SGSH: variants seen among roughly 807,000 people sequenced by gnomAD.
SGSH encodes the protein N-sulfoglucosamine sulfohydrolase.
Under a neutral mutation model 51.0 loss-of-function variants are expected in SGSH, and 48 were observed. The observed-to-expected ratio is 0.94, with a 90% CI of 0.75 to 1.20. SGSH has a LOEUF of 1.20. Among genes scored for constraint, SGSH ranks in the 50% most tolerant of loss-of-function variants. SGSH has a pLI of 0.00. For missense variants in SGSH, 662 were observed against 717.8 expected (o/e 0.92, Z 0.89); for synonymous variants, 321 against 313.4 (o/e 1.02, Z -0.26).
chr17:80,205,285 T>TTCCTCCC, downstream of SGSH: 1 of 993,216 alleles, frequency 1.0e-6, no homozygotes. Context: ...CTTCCTCCCC[T>TTCCTCCC]TCCTCCCTCC....
In SGSH at chr17:80,210,860, G is replaced by A. The variant is rs1335098940; in HGVS notation, c.1101C>T (p.His367=). The A allele has an allele frequency of 1.9e-6, 3 of 1,613,590 alleles. No homozygotes were observed. The highest frequency in any genetic ancestry group is 2.2e-5 in the South Asian group (2 of 91,086). ...TGGGGTAGGACATGGTGACCTCGTG[G>A]TGGCTCTGGCTGCCAAAGACGGTGG... ...LWATVFGSQS[H]HEVTMSYPMR... Residue 367 remains histidine, a synonymous_variant, in exon 8 of 8, where the codon CAC becomes CAT. Coordinates refer to ENST00000326317, the MANE Select transcript of SGSH (RefSeq NM_000199.5).
At chr17:80,218,739 T>G (rs1242278061) in intron 1 of SGSH, among the ~76,000 whole-genome samples, 1 of 152,180 alleles carries the variant, frequency 6.6e-6, no homozygotes, top group Non-Finnish European at 1.5e-5. Context: ...CTGAACTGTG[T>G]CCTCCCAGAA....
At chr17:80,207,368 T>G (rs1245562903), downstream of SGSH, among the ~76,000 whole-genome samples, 1 of 152,118 alleles carries the variant, frequency 6.6e-6, no homozygotes, top group Non-Finnish European at 1.5e-5. Flanking sequence ...CTGGCCAACA[T>G]GGAGAAACCC....
chr17:80,207,164 G>T, downstream of SGSH: 1 of 1,007,844 alleles, frequency 9.9e-7, no homozygotes, highest in Non-Finnish European at 1.5e-6. Context: ...GGTGCCTCTG[G>T]AGTGTGCTCT....
chr17:80,215,628 G>A (rs975926511), intron 2 of SGSH, among the ~76,000 whole-genome samples: 1 of 151,944 alleles, frequency 6.6e-6, no homozygotes, highest in Non-Finnish European at 1.5e-5. Context: ...AGACCAGCCT[G>A]GCCAACATGG....
rs776228545 is a variant in SGSH, at chr17:80,214,293, T to C, written c.542A>G (p.His181Arg). ...CTGGGGCTGGGAGTGCCCACAGCGG[T>C]GGGGGTCGTGGAAGGCGACGTAGAG... ...FFLYVAFHDP[H>R]RCGHSQPQYG... The change falls in exon 5 of 8, where the codon CAC becomes CGC. Residue 181 changes from histidine (H) to arginine (R), a missense_variant. Transcript: ENST00000326317. 1.9e-6 allele frequency: 3 copies of C among 1,612,904 alleles called. No homozygotes were observed. Among genetic ancestry groups the C allele is most frequent in the Non-Finnish European group, 2.5e-6 (3 of 1,179,956 alleles).
chr17:80,202,659 G>A (rs2041048290), downstream of SGSH: 2 of 1,351,010 alleles, frequency 1.5e-6, no homozygotes, highest in South Asian at 3.2e-5. Flanking sequence ...TCTTAGCTCT[G>A]GGTTTCTTAG....
downstream of SGSH, chr17:80,208,118 C>A (rs545159633): frequency 7.7e-5 from 115 of 1,502,162 alleles, 1 homozygote; most frequent in East Asian, 1.5e-3. Context: ...GCCCGCCCCC[C>A]CCAACTCTGG....
rs769651235 is a variant in SGSH, at chr17:80,210,931, T to A, written c.1030A>T (p.Thr344Ser). The change falls in exon 8 of 8, where the codon ACT becomes TCT. Residue 344 changes from threonine (T) to serine (S), a missense_variant. Physicochemically the swap from Thr to Ser is moderately conservative, Grantham distance 58. Transcript: ENST00000326317. ...AGCGCCGGCAGGAGGGACCGGCCAG[T>A]GAGGTGGATGGTCTTCGAGCCAAAG... ...AIFGSKTIHL[T>S]GRSLLPALEA... 15 of 1,607,400 alleles carry A rather than the reference T, an allele frequency of 9.3e-6. No individual in the cohort carries two copies. The East Asian group carries it at 3.3e-4, about 36-fold the overall frequency.
At chr17:80,201,620 T>C in the SGSH span, 1 of 967,054 alleles carries the variant, frequency 1.0e-6, no homozygotes, top group Non-Finnish European at 1.6e-6. The surrounding 1 kb of genome is among the most constrained non-coding windows in gnomAD (Gnocchi z 5.0). Flanking sequence ...GACCAAGGCG[T>C]GCAGGCAGTG....
chr17:80,208,355 C>T (rs545238098), downstream of SGSH: 5 of 1,579,764 alleles, frequency 3.2e-6, no homozygotes, highest in Non-Finnish European at 4.3e-6. Flanking sequence ...ATGCACCGTG[C>T]CCCTTCCCGG....
chr17:80,214,016 C>T (rs761794760), intron 5 of SGSH, 131 bp from the exon 6 acceptor site: 370 of 1,312,450 alleles, frequency 2.8e-4, no homozygotes, highest in Non-Finnish European at 3.5e-4. Context: ...CGTCTCTCTA[C>T]GGTTCTCTCT....
rs775329488 is a variant in SGSH at position 80,212,559 on chromosome 17, C to T, written c.746-285G>A. ...CAGGCAGCTGCTCCCTGGTGCCCGC[C>T]GGCTTTTGAGTTCTCCGGAATCTCG... On this transcript the variant is annotated intron_variant, in intron 6 of 7. Coordinates refer to ENST00000326317, the MANE Select transcript of SGSH (RefSeq NM_000199.5). The surrounding 1 kb of genome is among the most constrained non-coding windows in gnomAD (Gnocchi z 5.9). The T allele has an allele frequency of 8.4e-5, 42 of 500,976 alleles. No homozygotes were observed. Among genetic ancestry groups the T allele is most frequent in the African/African-American group, 1.4e-4 (7 of 51,574 alleles). 31.0% of individuals were successfully genotyped at this position (500,976 alleles called of 1,614,324 possible). A position where few individuals can be genotyped will look rare whatever the true frequency, so the allele number is the denominator to read the frequency against.
the SGSH span, chr17:80,201,208 CCTAAG>C: frequency 6.4e-6 from 1 of 156,988 alleles, no homozygotes; most frequent in Admixed American, 6.1e-5. This position sits in a 1 kb window ranked among gnomAD's most constrained non-coding sequence, Gnocchi z 5.0. Flanking sequence ...TATCTACTCT[CCTAAG>C]CTTAGAACAA....
At position 80,213,989 on chromosome 17, in the gene SGSH, C is replaced by T. The variant is rs1296692783; in HGVS notation, c.664-104G>A. On this transcript the variant is annotated intron_variant, in intron 5 of 7. Transcript: ENST00000326317. This position sits in a 1 kb window ranked among gnomAD's most constrained non-coding sequence, Gnocchi z 4.6. Reference sequence around the variant, plus strand: ...TGCAAATGGGTTAGCCCAGAACAGCCTCACTCCGGACCACCCCGTCTCTCT... The same window carrying T: ...TGCAAATGGGTTAGCCCAGAACAGCTTCACTCCGGACCACCCCGTCTCTCT... 3.0e-6 allele frequency: 4 copies of T among 1,333,968 alleles called. No homozygotes were observed. The highest frequency in any genetic ancestry group is 1.2e-5 in the South Asian group (1 of 80,232). 82.6% of individuals were successfully genotyped at this position (1,333,968 alleles called of 1,614,324 possible). A position where few individuals can be genotyped will look rare whatever the true frequency, so the allele number is the denominator to read the frequency against.
Position 80,213,216 on chromosome 17 carries a change from TGGAGACACAAAGA to T in SGSH, c.745+575_745+587del. ...CTCAAAAAAAAAAAAAAAGAAGAAG[TGGAGACACAAAGA>T]GGAGACACAGGAAAAAAGGCCATGT... On this transcript the variant is annotated intron_variant, in intron 6 of 7. Coordinates refer to ENST00000326317, the MANE Select transcript of SGSH (RefSeq NM_000199.5). This position sits in a 1 kb window ranked among gnomAD's most constrained non-coding sequence, Gnocchi z 4.6. 1 of 144,522 alleles carries T rather than the reference TGGAGACACAAAGA, an allele frequency of 6.9e-6. No individual in the cohort carries two copies. The highest frequency in any genetic ancestry group is 2.0e-4 in the East Asian group (1 of 4,980). 9.0% of individuals were successfully genotyped at this position (144,522 alleles called of 1,614,324 possible).
At chr17:80,211,724 C>G in intron 7 of SGSH, 1 of 383,652 alleles carries the variant, frequency 2.6e-6, no homozygotes, top group Non-Finnish European at 5.0e-6. Context: ...CCGCCAAGAT[C>G]TACTGAATCG....
intron 4 of SGSH, 43 bp from the exon 5 acceptor site, chr17:80,214,371 C>A (rs375829567): frequency 2.5e-6 from 4 of 1,597,460 alleles, no homozygotes; most frequent in Non-Finnish European, 3.4e-6. Flanking sequence ...GGGGCCACTG[C>A]CACGTGGCAC....
chr17:80,210,370 C>A lies in SGSH; in HGVS notation c.*82G>T. On this transcript the variant is annotated 3_prime_UTR_variant, in exon 8 of 8. Coordinates refer to ENST00000326317, the MANE Select transcript of SGSH (RefSeq NM_000199.5). The stretch of plus-strand genomic sequence containing the variant: ...GGACGGAAGGGCTGTTGCCACTACT[C>A]CCCAGGCTGGCCGGCCACACGGACA... 3 of 1,477,796 alleles carry A rather than the reference C, an allele frequency of 2.0e-6. No individual in the cohort carries two copies. The highest frequency in any genetic ancestry group is 2.5e-5 in the East Asian group (1 of 40,462). The allele number at this position is 1,477,796 out of a possible 1,614,324, so 91.5% of individuals were successfully genotyped here. A position where few individuals can be genotyped will look rare whatever the true frequency, so the allele number is the denominator to read the frequency against.
Sources: allele counts gnomAD v4.1 joint callset (sites outside exome capture counted in the v4.1 genomes callset), GRCh38; gene constraint gnomAD v4.1.1; non-coding constraint Gnocchi (gnomAD v3.1); transcripts MANE v1.5; gene names NCBI Gene and HGNC (gene_info 2026-07-23, HGNC 2026-07-21).